Variants in ASH1L observed in about 807,000 individuals in gnomAD.
The protein encoded by ASH1L is histone-lysine N-methyltransferase ASH1L.
A neutral mutation model predicts 269.0 loss-of-function variants in ASH1L; 23 were observed. That is an observed-to-expected ratio of 0.09 (90% CI 0.06 to 0.12). The LOEUF (loss-of-function observed/expected upper bound fraction) is 0.12, where lower values mean the gene tolerates loss of function less well. Ranked by LOEUF, ASH1L falls within the 10% of genes least tolerant of loss-of-function variation. The probability of loss-of-function intolerance (pLI) is 1.00; values close to 1 mark genes in which losing one functional copy is unlikely to be tolerated. For missense variants in ASH1L, 2,912 were observed against 3,567.8 expected (o/e 0.82, Z 4.68); for synonymous variants, 1,187 against 1,253.5 (o/e 0.95, Z 1.12).
chr1:155,365,192 T>C (rs1655298444), intron 12 of ASH1L, among the ~76,000 whole-genome samples: 1 of 151,976 alleles, frequency 6.6e-6, no homozygotes, highest in Non-Finnish European at 1.5e-5. Flanking sequence ...TGGCTGAAAC[T>C]TTTGAGTTAC....
chr1:155,494,146 T>C (rs1048577164), intron 2 of ASH1L, among the ~76,000 whole-genome samples: 2 of 152,148 alleles, frequency 1.3e-5, no homozygotes, highest in Non-Finnish European at 2.9e-5. Flanking sequence ...AAAGTTCTGA[T>C]TGAAAACTCA....
chr1:155,456,659 T>G (rs779469608), intron 4 of ASH1L, among the ~76,000 whole-genome samples: 10 of 152,158 alleles, frequency 6.6e-5, no homozygotes, highest in Non-Finnish European at 1.3e-4. Flanking sequence ...CTACCACAGA[T>G]GTCTCTAAAA....
At chr1:155,450,968 C>A (rs1020749952) in intron 4 of ASH1L, among the ~76,000 whole-genome samples, 2 of 152,010 alleles carry the variant, frequency 1.3e-5, no homozygotes, top group Non-Finnish European at 2.9e-5. Context: ...GAGGCTAAGG[C>A]GGTCGAATCA....
chr1:155,406,521 T>A (rs1659305130), intron 6 of ASH1L, among the ~76,000 whole-genome samples: 1 of 152,008 alleles, frequency 6.6e-6, no homozygotes, highest in African/African-American at 2.4e-5. Flanking sequence ...CTGGGCAACA[T>A]AATGAGGCCT....
intron 1 of ASH1L, among the ~76,000 whole-genome samples, chr1:155,528,064 T>C (rs1669397169): frequency 6.6e-6 from 1 of 152,220 alleles, no homozygotes; most frequent in Non-Finnish European, 1.5e-5. Context: ...TATCTTCAGA[T>C]AGAGACTAGC....
intron 3 of ASH1L, among the ~76,000 whole-genome samples, chr1:155,471,910 T>C (rs1322772286): frequency 1.3e-5 from 2 of 152,176 alleles, no homozygotes; most frequent in African/African-American, 2.4e-5. Flanking sequence ...TTGAACTAAA[T>C]TGTACAACAT....
chr1:155,479,580 G>A lies in ASH1L; in HGVS notation c.3290C>T (p.Ala1097Val). Residue 1097 changes from alanine (A) to valine (V), a missense_variant, in exon 3 of 28, where the codon GCT (alanine) becomes GTT (valine). Ala to Val is a moderately conservative substitution (Grantham distance 64). Around this residue, in one of 13 missense-constraint regions of ASH1L, gnomAD observed 157 missense variants for 154.6 expected, o/e 1.02. Coordinates refer to ENST00000392403, the MANE Select transcript of ASH1L (RefSeq NM_018489.3). ...QILPPLLPSS[A>V]SSSEILPSPI... ...TGATGGAAGAATCTCAGAACTACTA[G>A]CAGATGAAGGCAGTAATGGGGGAAG... is the stretch of plus-strand genomic sequence containing the variant. 6.2e-7 allele frequency: 1 copy of A among 1,614,232 alleles called. No homozygotes were observed. Among genetic ancestry groups the A allele is most frequent in the Non-Finnish European group, 8.5e-7 (1 of 1,180,036 alleles).
chr1:155,562,066 G>C, intron 1 of ASH1L, 87 bp downstream of exon 1: 1 of 904,858 alleles, frequency 1.1e-6, no homozygotes, highest in Non-Finnish European at 1.7e-6. Flanking sequence ...CCAGGTCCGG[G>C]AGATGACAGT....
chr1:155,405,035 T>A (rs1310621194), intron 6 of ASH1L, among the ~76,000 whole-genome samples: 2 of 149,178 alleles, frequency 1.3e-5, no homozygotes, highest in African/African-American at 2.5e-5. Flanking sequence ...TAAAAAAAAA[T>A]AATAATAATA....
Position 155,415,933 on chromosome 1 carries a change from G to A in ASH1L, c.5829-10C>T. On this transcript the variant is annotated splice_polypyrimidine_tract_variant and intron_variant, in intron 5 of 27. Transcript: ENST00000392403. Reference sequence around the variant, plus strand: ...TGGTGCTTCATTAAAGCTAGAAAGAGAAGTTTAAAGATAATTTTATTATGA... The same window carrying A: ...TGGTGCTTCATTAAAGCTAGAAAGAAAAGTTTAAAGATAATTTTATTATGA... 3.4e-6 allele frequency: 5 copies of A among 1,456,810 alleles called. No individual in the cohort carries two copies. The South Asian group carries it at 4.7e-5, about 14-fold the overall frequency. The allele number at this position is 1,456,810 out of a possible 1,614,324, so 90.2% of individuals were successfully genotyped here. A position where few individuals can be genotyped will look rare whatever the true frequency, so the allele number is the denominator to read the frequency against.
intron 4 of ASH1L, among the ~76,000 whole-genome samples, chr1:155,454,036 C>T (rs770919257): frequency 1.2e-4 from 18 of 152,072 alleles, no homozygotes; most frequent in Non-Finnish European, 2.2e-4. Flanking sequence ...ACCTGGGAGG[C>T]GGAGCTTGCA....
chr1:155,556,253 A>T (rs1671578363), intron 1 of ASH1L, among the ~76,000 whole-genome samples: 2 of 152,096 alleles, frequency 1.3e-5, no homozygotes, highest in African/African-American at 4.8e-5. Flanking sequence ...GTGGTGGCAC[A>T]TACATGTGGT....
Position 155,360,331 on chromosome 1 carries a change from A to G in ASH1L, c.6765T>C (p.Tyr2255=). The G allele has an allele frequency of 6.2e-7, 1 of 1,613,364 alleles. No homozygotes were observed. Among genetic ancestry groups the G allele is most frequent in the Non-Finnish European group, 8.5e-7 (1 of 1,179,290 alleles). ...TTTCCACATTGAAGGAATGAAAGTTATAATCATAAGTGAGTTCAGTCCCAG... is the reference window on the plus strand; with the variant it reads ...TTTCCACATTGAAGGAATGAAAGTTGTAATCATAAGTGAGTTCAGTCCCAG... ...MPAGTELTYD[Y]NFHSFNVEKQ... The change falls in exon 13 of 28, where the codon TAT becomes TAC. Residue 2255 remains tyrosine (Y), a synonymous_variant. Transcript: ENST00000392403.
At position 155,357,992 on chromosome 1, in the gene ASH1L, A is replaced by G. The variant is rs913325507; in HGVS notation, c.6796-243T>C. Among the ~76,000 whole-genome samples the G allele has an allele frequency of 1.3e-4, 19 of 151,962 alleles. 1 individual carries two copies. The highest frequency in any genetic ancestry group is 6.3e-3 in the Middle Eastern group (2 of 316). The stretch of plus-strand genomic sequence containing the variant: ...CGCCATGTTGACCAGGCTGGTCTCG[A>G]ACTCCAGGGCTCGAGCAACTCTCCC... On this transcript the variant is annotated intron_variant, in intron 13 of 27. Transcript: ENST00000392403.
chr1:155,344,992 C>T (rs976762399), intron 21 of ASH1L, among the ~76,000 whole-genome samples: 14 of 151,824 alleles, frequency 9.2e-5, no homozygotes, highest in African/African-American at 3.4e-4. Context: ...GAGTCTCGCT[C>T]TGTTGGCAGG....
Position 155,357,361 on chromosome 1 carries a change from C to A in ASH1L, c.7010G>T (p.Arg2337Ile). The A allele has an allele frequency of 6.2e-7, 1 of 1,613,842 alleles. No individual in the cohort carries two copies. The highest frequency in any genetic ancestry group is 1.1e-5 in the South Asian group (1 of 91,072). Residue 2337 changes from arginine to isoleucine, a missense_variant, in exon 15 of 28, where the codon AGA (arginine) becomes ATA (isoleucine). By Grantham distance (97) the Arg-to-Ile change is moderately conservative. Coordinates refer to ENST00000392403, the MANE Select transcript of ASH1L (RefSeq NM_018489.3). ...EPSENINTPT[R>I]LTPQLQMKPM... ...CTTCATCTGTAATTGGGGGGTCAAT[C>A]TAGTTGGGGTGTTGATATTTTCACT...
intron 5 of ASH1L, among the ~76,000 whole-genome samples, chr1:155,420,773 C>A (rs1385587778): frequency 2.0e-5 from 3 of 151,460 alleles, no homozygotes; most frequent in Non-Finnish European, 2.9e-5. Flanking sequence ...TCACTTGAGC[C>A]CGGGAGGTGG....
At chr1:155,540,481 A>G (rs1169620448) in intron 1 of ASH1L, among the ~76,000 whole-genome samples, 1 of 152,174 alleles carries the variant, frequency 6.6e-6, no homozygotes. Flanking sequence ...AAAAAAAGCA[A>G]GCACTCAGCT....
chr1:155,402,881 T>TC lies in ASH1L; in HGVS notation c.6009-7329dup, dbSNP rs570246343. ...GTTATACTTTTTTTTTTTTTTTTTT[T>TC]CAGCATAAAAAGACATTGAAGGCCG... On this transcript the variant is annotated intron_variant, in intron 6 of 27. Transcript: ENST00000392403. Among the ~76,000 whole-genome samples the TC allele has an allele frequency of 2.4e-3, 349 of 146,470 alleles. 1 individual carries two copies. The highest frequency in any genetic ancestry group is 3.4e-3 in the African/African-American group (135 of 40,016).
Sources: allele counts gnomAD v4.1 joint callset (sites outside exome capture counted in the v4.1 genomes callset), GRCh38; gene constraint gnomAD v4.1.1; regional missense constraint gnomAD v4.1.1; transcripts MANE v1.5; gene names NCBI Gene and HGNC (gene_info 2026-07-23, HGNC 2026-07-21).